The following BRINP1 variants were observed in gnomAD, a reference collection of about 807,000 sequenced individuals.
The protein encoded by BRINP1 is BMP/retinoic acid inducible neural specific 1.
In BRINP1, 17 loss-of-function variants were observed where a neutral mutation model predicts 72.9. That is an observed-to-expected ratio of 0.23 (90% CI 0.16 to 0.35). The LOEUF is 0.35. BRINP1 is among the 10% of genes least tolerant of loss of function. The probability of loss-of-function intolerance (pLI) is 1.00; values close to 1 mark genes in which losing one functional copy is unlikely to be tolerated. For missense variants in BRINP1, 850 were observed against 1,001.6 expected (o/e 0.85, Z 2.04); for synonymous variants, 418 against 378.5 (o/e 1.10, Z -1.21).
chr9:119,243,682 C>T (rs6478398), intron 3 of BRINP1, among the ~76,000 whole-genome samples: 65,327 of 152,056 alleles, frequency 0.43, 16,790 homozygotes, highest in African/African-American at 0.73. Flanking sequence ...AGTGTAAAAA[C>T]GTTTGTTCAA....
At chr9:119,176,135 A>G (rs1026047651) in intron 7 of BRINP1, among the ~76,000 whole-genome samples, 5 of 152,220 alleles carry the variant, frequency 3.3e-5, no homozygotes, top group Admixed American at 3.3e-4. Flanking sequence ...AATATTTTAC[A>G]GACATGGCAA....
intron 2 of BRINP1, among the ~76,000 whole-genome samples, chr9:119,288,513 C>T (rs144167150): frequency 9.9e-5 from 15 of 152,134 alleles, no homozygotes; most frequent in South Asian, 2.1e-4. Context: ...GTAGCAAAAA[C>T]ACAATACAGA....
chr9:119,176,080 G>A (rs1326950254), intron 7 of BRINP1, among the ~76,000 whole-genome samples: 1 of 152,138 alleles, frequency 6.6e-6, no homozygotes, highest in Admixed American at 6.6e-5. Context: ...TACTTATTAA[G>A]AGCTCAATAA....
At chr9:119,283,916 C>T (rs1383330732) in intron 2 of BRINP1, among the ~76,000 whole-genome samples, 1 of 152,178 alleles carries the variant, frequency 6.6e-6, no homozygotes, top group African/African-American at 2.4e-5. Flanking sequence ...GGTTTCATAT[C>T]ACCTTGCTGT....
intron 1 of BRINP1, among the ~76,000 whole-genome samples, chr9:119,317,252 A>G (rs1334768799): frequency 1.3e-5 from 2 of 152,168 alleles, no homozygotes; most frequent in Non-Finnish European, 2.9e-5. Context: ...TCATGGGAAG[A>G]AGTCAAAATA....
chr9:119,168,361 G>T, intron 7 of BRINP1, 137 bp from the exon 8 acceptor site: 1 of 626,876 alleles, frequency 1.6e-6, no homozygotes, highest in Non-Finnish European at 2.6e-6. Context: ...TACAGGAAGG[G>T]CATCGAATAT....
intron 1 of BRINP1, among the ~76,000 whole-genome samples, chr9:119,360,660 A>G (rs929275399): frequency 6.6e-6 from 1 of 152,074 alleles, no homozygotes; most frequent in African/African-American, 2.4e-5. Flanking sequence ...CTTTCCTCCA[A>G]CTGAATCAGC....
chr9:119,330,158 A>G (rs1030351371), intron 1 of BRINP1, among the ~76,000 whole-genome samples: 2 of 152,198 alleles, frequency 1.3e-5, no homozygotes, highest in Non-Finnish European at 2.9e-5. Flanking sequence ...TCGAAAAGAC[A>G]CTAGGAGTGC....
At chr9:119,355,223 A>G (rs978923493) in intron 1 of BRINP1, among the ~76,000 whole-genome samples, 10 of 152,260 alleles carry the variant, frequency 6.6e-5, no homozygotes, top group African/African-American at 2.4e-4. Context: ...AGGATACATC[A>G]TATAAAATAA....
chr9:119,243,456 A>T (rs970198639), intron 3 of BRINP1, among the ~76,000 whole-genome samples: 4 of 152,170 alleles, frequency 2.6e-5, no homozygotes, highest in Non-Finnish European at 5.9e-5. Flanking sequence ...TCTATCATTG[A>T]TAGGCATTTG....
chr9:119,284,101 C>A (rs1830737580), intron 2 of BRINP1, among the ~76,000 whole-genome samples: 1 of 152,184 alleles, frequency 6.6e-6, no homozygotes, highest in Admixed American at 6.5e-5. Flanking sequence ...GCCACCAGTC[C>A]TCTTATTTCT....
At chr9:119,351,552 G>A (rs986686629) in intron 1 of BRINP1, among the ~76,000 whole-genome samples, 7 of 152,194 alleles carry the variant, frequency 4.6e-5, no homozygotes, top group Non-Finnish European at 1.0e-4. Context: ...AGCGCTGAGG[G>A]AAAGTTAGGA....
intron 2 of BRINP1, among the ~76,000 whole-genome samples, chr9:119,275,399 T>C (rs1830646596): frequency 6.6e-6 from 1 of 152,214 alleles, no homozygotes; most frequent in Non-Finnish European, 1.5e-5. Context: ...TGTTTATCTC[T>C]CTCCCTTTGA....
chr9:119,199,638 T>C (rs1236437891), intron 7 of BRINP1, among the ~76,000 whole-genome samples: 1 of 152,170 alleles, frequency 6.6e-6, no homozygotes, highest in East Asian at 1.9e-4. Context: ...TAAGCTTCCA[T>C]GGATCTTATT....
intron 1 of BRINP1, among the ~76,000 whole-genome samples, chr9:119,362,297 A>G (rs907534961): frequency 7.9e-5 from 12 of 152,108 alleles, no homozygotes; most frequent in African/African-American, 2.7e-4. Context: ...CTCTTATTGT[A>G]TAATATTCCG....
chr9:119,234,017 T>C (rs751545050), intron 5 of BRINP1, among the ~76,000 whole-genome samples: 3 of 152,240 alleles, frequency 2.0e-5, no homozygotes, highest in Non-Finnish European at 4.4e-5. Context: ...ATTGTATGAA[T>C]GTATGACAAT....
At chr9:119,198,943 G>A (rs1182887593) in intron 7 of BRINP1, among the ~76,000 whole-genome samples, 3 of 152,100 alleles carry the variant, frequency 2.0e-5, no homozygotes, top group Non-Finnish European at 4.4e-5. Flanking sequence ...AAAGTACTGG[G>A]ATTACAGGCA....
chr9:119,241,288 A>T (rs886410884), intron 4 of BRINP1, among the ~76,000 whole-genome samples: 1 of 152,180 alleles, frequency 6.6e-6, no homozygotes, highest in African/African-American at 2.4e-5. Flanking sequence ...GTACTACTGG[A>T]CGGTGCTGGT....
rs62568654 is a variant in BRINP1, at chr9:119,173,454, C to T, written c.1146-5230G>A. Among the ~76,000 whole-genome samples the T allele has an allele frequency of 2.4e-3, 359 of 151,274 alleles. 4 individuals carry two copies. Among genetic ancestry groups the T allele is most frequent in the African/African-American group, 8.0e-3 (329 of 40,956 alleles). On this transcript the variant is annotated intron_variant, in intron 7 of 7. Transcript: ENST00000265922. ...TGTGAAGGACCTCTTCAAGGAGAAC[C>T]ACAAACCACTGCTCAATGAAATAAA...
Sources: gnomAD v4.1 joint callset for allele counts (sites outside exome capture counted in the v4.1 genomes callset) on GRCh38, gnomAD v4.1.1 for gene constraint, MANE v1.5 for transcripts, NCBI Gene and HGNC (gene_info 2026-07-23, HGNC 2026-07-21) for gene names.